Variants in SMPX observed in about 807,000 individuals in gnomAD.
SMPX encodes the protein small muscular protein.
In SMPX, 2 loss-of-function variants were observed where a neutral mutation model predicts 6.3. That is an observed-to-expected ratio of 0.32 (90% CI 0.13 to 0.99). The LOEUF is 0.99. SMPX is among the 50% of genes least tolerant of loss of function. The pLI is 0.49. For synonymous variants in SMPX, 32 were observed against 24.7 expected (o/e 1.30, Z -0.88); for missense variants, 60 against 66.8 (o/e 0.90, Z 0.36).
chrX:21,712,665 G>A (rs1002604117), intron 4 of SMPX, among the ~76,000 whole-genome samples: 1 of 111,157 alleles, frequency 9.0e-6, no homozygotes, highest in Admixed American at 9.6e-5. Flanking sequence ...AGGGGCCACC[G>A]ACTTCATTGG....
Position 21,739,457 on chromosome X carries a change from A to T in SMPX, c.133-1760T>A, listed in dbSNP as rs750127862. Among the ~76,000 whole-genome samples the T allele has an allele frequency of 8.0e-5, 9 of 112,104 alleles. No individual in the cohort carries two copies. In the South Asian group the frequency reaches 3.4e-3, roughly 42 times the overall value. On this transcript the variant is annotated intron_variant, in intron 3 of 4. Coordinates refer to ENST00000379494, the MANE Select transcript of SMPX (RefSeq NM_014332.3). ...AAAATGATAAAGTATTTCAATGTGG[A>T]CTATACCTGCTGTAAATATCTGGAA...
At chrX:21,726,806 T>C (rs986077617) in intron 4 of SMPX, among the ~76,000 whole-genome samples, 13 of 112,736 alleles carry the variant, frequency 1.2e-4, no homozygotes, top group African/African-American at 4.2e-4. Context: ...ATGAAGAAAC[T>C]GAGGCAGAGC....
At chrX:21,734,600 AC>A (rs764354244) in intron 4 of SMPX, among the ~76,000 whole-genome samples, 135 of 111,431 alleles carry the variant, frequency 1.2e-3, no homozygotes, top group African/African-American at 4.0e-3. Context: ...CCTTCCCTGT[AC>A]CATGCCAGTT....
chrX:21,720,583 T>C (rs1418900863), intron 4 of SMPX, among the ~76,000 whole-genome samples: 4 of 112,976 alleles, frequency 3.5e-5, no homozygotes, highest in South Asian at 3.6e-4. Context: ...TTGTATTTTA[T>C]GTATCAAGGA....
In SMPX at chrX:21,717,079, G is replaced by C. The variant is rs760684847; in HGVS notation, c.*15-10685C>G. Among the ~76,000 whole-genome samples, 7 of 111,619 alleles carry C rather than the reference G, an allele frequency of 6.3e-5. No individual in the cohort carries two copies. The South Asian group carries it at 2.7e-3, about 43-fold the overall frequency. ...ACAATATAAATCTTTCTTAGGTGAA[G>C]ATTTACATTCCTTCTGGGGGCTGAT... is the stretch of plus-strand genomic sequence containing the variant. On this transcript the variant is annotated intron_variant, in intron 4 of 4. Coordinates refer to ENST00000379494, the MANE Select transcript of SMPX (RefSeq NM_014332.3).
intron 4 of SMPX, among the ~76,000 whole-genome samples, chrX:21,718,462 TC>T (rs1159807024): frequency 1.8e-5 from 2 of 111,765 alleles, no homozygotes; most frequent in Admixed American, 1.9e-4. Context: ...TGAGGAAAAT[TC>T]CCACAGGTTA....
At chrX:21,708,271 G>A (rs2092775036) in intron 4 of SMPX, among the ~76,000 whole-genome samples, 1 of 112,365 alleles carries the variant, frequency 8.9e-6, no homozygotes, top group Non-Finnish European at 1.9e-5. Flanking sequence ...TACTACAAAG[G>A]CTGGTGAGTG....
At chrX:21,733,570 T>C in intron 4 of SMPX, 1 of 246,696 alleles carries the variant, frequency 4.1e-6, no homozygotes, top group South Asian at 4.4e-5. Flanking sequence ...AGAATTTCTT[T>C]TTAGAGCTTC....
intron 4 of SMPX, among the ~76,000 whole-genome samples, chrX:21,726,232 G>A (rs1303857167): frequency 1.8e-5 from 2 of 111,980 alleles, no homozygotes; most frequent in South Asian, 3.7e-4. Context: ...GCAAATGTGC[G>A]CAGAAAGCCT....
intron 2 of SMPX, among the ~76,000 whole-genome samples, chrX:21,751,561 C>A (rs750692167): frequency 8.0e-5 from 9 of 112,200 alleles, no homozygotes; most frequent in African/African-American, 2.9e-4. Flanking sequence ...TTCTCAAAGT[C>A]ATGCAGCTAG....
At chrX:21,757,087 C>T (rs930399890) in intron 1 of SMPX, among the ~76,000 whole-genome samples, 72 of 111,821 alleles carry the variant, frequency 6.4e-4, no homozygotes, top group African/African-American at 2.2e-3. Context: ...AGTAATATCA[C>T]TCATTTAATA....
At chrX:21,730,311 T>G (rs1815636906) in intron 4 of SMPX, among the ~76,000 whole-genome samples, 1 of 112,122 alleles carries the variant, frequency 8.9e-6, no homozygotes, top group Admixed American at 9.4e-5. Context: ...AGTCAAAGAC[T>G]ATGAGAAATA....
In SMPX at chrX:21,734,621, A is replaced by G. The variant is rs911961801; in HGVS notation, c.*14+2928T>C. The stretch of plus-strand genomic sequence containing the variant: ...CTGTACCATGCCAGTTCCAGCCTGG[A>G]CTGGGGCCCCATTTGGGACATTCCT... On this transcript the variant is annotated intron_variant, in intron 4 of 4. Coordinates refer to ENST00000379494, the MANE Select transcript of SMPX (RefSeq NM_014332.3). Among the ~76,000 whole-genome samples the G allele has an allele frequency of 4.5e-5, 5 of 111,124 alleles. No individual in the cohort carries two copies. In the Middle Eastern group the frequency reaches 0.014, roughly 309 times the overall value.
At position 21,732,403 on chromosome X, in the gene SMPX, C is replaced by T. The variant is rs1021399484; in HGVS notation, c.*14+5146G>A. On this transcript the variant is annotated intron_variant, in intron 4 of 4. Transcript: ENST00000379494. ...TTAATTAAAGTCAAATTTCTGGGCC[C>T]ATTACTGATTTTGGTCAACAATGTT... 8.9e-5 allele frequency among the ~76,000 whole-genome samples: 10 copies of T among 111,795 alleles called. No homozygotes were observed. In the South Asian group the frequency reaches 3.4e-3, roughly 38 times the overall value.
intron 4 of SMPX, among the ~76,000 whole-genome samples, chrX:21,720,886 T>C (rs1370494693): frequency 8.9e-6 from 1 of 112,493 alleles, no homozygotes; most frequent in Admixed American, 9.4e-5. Context: ...TGTTTATACA[T>C]GCAGAGACTG....
chrX:21,746,717 C>G (rs1464814866), intron 2 of SMPX, among the ~76,000 whole-genome samples: 1 of 96,930 alleles, frequency 1.0e-5, no homozygotes, highest in Non-Finnish European at 2.0e-5. Flanking sequence ...ATATGTCGAA[C>G]ATTCGATCAT....
At chrX:21,736,622 A>G (rs2092810712) in intron 4 of SMPX, among the ~76,000 whole-genome samples, 1 of 112,033 alleles carries the variant, frequency 8.9e-6, no homozygotes, top group African/African-American at 3.2e-5. Context: ...AACACTCAAT[A>G]AATATCGATT....
chrX:21,732,616 C>T (rs763334695), intron 4 of SMPX, among the ~76,000 whole-genome samples: 1 of 112,142 alleles, frequency 8.9e-6, no homozygotes, highest in Non-Finnish European at 1.9e-5. Context: ...TTTAAAGGAG[C>T]TATGCGATAG....
intron 2 of SMPX, among the ~76,000 whole-genome samples, chrX:21,745,371 G>A (rs958789761): frequency 2.7e-5 from 3 of 111,510 alleles, no homozygotes; most frequent in Admixed American, 9.5e-5. Flanking sequence ...GTCTTATATG[G>A]TGGCAAATAT....
Sources: allele counts gnomAD v4.1 joint callset (sites outside exome capture counted in the v4.1 genomes callset), GRCh38; gene constraint gnomAD v4.1.1; transcripts MANE v1.5; gene names NCBI Gene and HGNC (gene_info 2026-07-23, HGNC 2026-07-21).